NISCH: variants seen among roughly 807,000 people sequenced by gnomAD.
The protein encoded by NISCH is I-1 receptor candidate protein.
Under a neutral mutation model 138.4 loss-of-function variants are expected in NISCH, and 55 were observed. The observed-to-expected ratio is 0.40, with a 90% CI of 0.32 to 0.50. The LOEUF (loss-of-function observed/expected upper bound fraction) is 0.50, where lower values mean the gene tolerates loss of function less well. NISCH is among the 20% of genes least tolerant of loss of function. The pLI is 0.71. For synonymous variants in NISCH, 860 were observed against 861.5 expected (o/e 1.00, Z 0.03); for missense variants, 1,643 against 2,005.5 (o/e 0.82, Z 3.45).
chr3:52,487,874 C>T lies in NISCH; in HGVS notation c.2382C>T (p.Ile794=), dbSNP rs1707448139. ...ACAGTGAGAACACGCTCTTCATTAT[C>T]TCGGACGCCGCCAACCTGCACGAGT... The part of the protein sequence containing the change: ...VRHSENTLFI[I]SDAANLHEFH... Residue 794 remains isoleucine, a synonymous_variant, in exon 16 of 21, where the codon ATC becomes ATT. Coordinates refer to ENST00000345716, the MANE Select transcript of NISCH (RefSeq NM_007184.4). This position sits in a 1 kb window ranked among gnomAD's most constrained non-coding sequence, Gnocchi z 9.1. 2.5e-6 allele frequency: 4 copies of T among 1,612,646 alleles called. No individual in the cohort carries two copies. The highest frequency in any genetic ancestry group is 3.4e-6 in the Non-Finnish European group (4 of 1,179,922).
chr3:52,480,775 G>A, intron 13 of NISCH: 6 of 1,451,206 alleles, frequency 4.1e-6, no homozygotes, highest in Non-Finnish European at 5.4e-6. Context: ...ATGTTTGTGG[G>A]GCCAAGATGG....
In NISCH at chr3:52,478,158, T is replaced by C; in HGVS notation, c.1049T>C (p.Leu350Pro). The stretch of plus-strand genomic sequence containing the variant: ...AACAAGCTCTCCTCCTTGGAAGGGC[T>C]TCACACCAAGCTGGGGAACATCAAG... The part of the protein sequence containing the change: ...SYNKLSSLEG[L>P]HTKLGNIKTL... The change falls in exon 10 of 21, where the codon CTT becomes CCT. Residue 350 changes from leucine (L) to proline (P), a missense_variant. By Grantham distance (98) the Leu-to-Pro change is moderately conservative. Coordinates refer to ENST00000345716, the MANE Select transcript of NISCH (RefSeq NM_007184.4). The C allele has an allele frequency of 6.2e-7, 1 of 1,614,106 alleles. No individual in the cohort carries two copies. The highest frequency in any genetic ancestry group is 8.5e-7 in the Non-Finnish European group (1 of 1,180,010).
At position 52,491,979 on chromosome 3, in the gene NISCH, G is replaced by A; in HGVS notation, c.4012G>A (p.Glu1338Lys). ...LTFTVAQKMA[E>K]PEKAPALSIL... ...GTTCACTGTGGCCCAAAAGATGGCT[G>A]AGCCAGAGAAGGCCCCAGCCCTCAG... The change falls in exon 21 of 21, where the codon GAG (glutamate) becomes AAG (lysine). Residue 1338 changes from glutamate (E) to lysine (K), a missense_variant. Transcript: ENST00000345716. 1 of 1,613,624 alleles carries A rather than the reference G, an allele frequency of 6.2e-7. No homozygotes were observed. Among genetic ancestry groups the A allele is most frequent in the Non-Finnish European group, 8.5e-7 (1 of 1,180,032 alleles).
At chr3:52,477,355 T>C (rs924272757) in intron 8 of NISCH, among the ~76,000 whole-genome samples, 3 of 152,196 alleles carry the variant, frequency 2.0e-5, no homozygotes, top group Admixed American at 6.5e-5. Flanking sequence ...AAGTGTTCCA[T>C]GAAAACTGAG....
Position 52,490,156 on chromosome 3 carries a change from G to A in NISCH, c.3538G>A (p.Val1180Met), listed in dbSNP as rs146180879. ...QTPGLEVTAC[V>M]LLSTKAVYFV... ...CCCAGGGCTGGAGGTGACTGCCTGC[G>A]TGCTGCTCTCCACCAAGGCTGTGTA... Residue 1180 changes from valine (V) to methionine (M), a missense_variant, in exon 18 of 21, where the codon GTG (valine) becomes ATG (methionine). Transcript: ENST00000345716. 40 of 1,613,460 alleles carry A rather than the reference G, an allele frequency of 2.5e-5. No homozygotes were observed. The highest frequency in any genetic ancestry group is 9.9e-5 in the South Asian group (9 of 91,090).
intron 15 of NISCH, 62 bp downstream of exon 15, chr3:52,485,889 T>C (rs896222752): frequency 4.0e-5 from 60 of 1,509,630 alleles, no homozygotes; most frequent in Non-Finnish European, 5.3e-5. Context: ...CACACACTGC[T>C]GTGGGCCAGG....
chr3:52,490,624 T>G, intron 18 of NISCH, 81 bp from the exon 19 acceptor site: 2 of 1,593,534 alleles, frequency 1.3e-6, no homozygotes, highest in Non-Finnish European at 1.7e-6. Context: ...AGAGGACCTG[T>G]TCCTGCTGGA....
chr3:52,489,222 A>G (rs1707494606), intron 16 of NISCH, 114 bp from the exon 17 acceptor site: 2 of 1,298,560 alleles, frequency 1.5e-6, no homozygotes, highest in Non-Finnish European at 2.1e-6. Context: ...GGAAGTCCCC[A>G]GTAACCCAGA....
chr3:52,458,899 T>G, intron 3 of NISCH, 55 bp downstream of exon 3: 1 of 1,505,198 alleles, frequency 6.6e-7, no homozygotes, highest in Non-Finnish European at 9.0e-7. Context: ...CTGCCAAACT[T>G]GAGGCAGCAA....
intron 1 of NISCH, among the ~76,000 whole-genome samples, chr3:52,456,474 C>T (rs1706473632): frequency 6.6e-6 from 1 of 151,890 alleles, no homozygotes; most frequent in Admixed American, 6.6e-5. Flanking sequence ...GCGGGTAGTT[C>T]CCGACTTTGA....
intron 19 of NISCH, 24 bp from the exon 20 acceptor site, chr3:52,491,328 C>T (rs1270097655): frequency 1.9e-6 from 3 of 1,599,818 alleles, no homozygotes; most frequent in Admixed American, 1.7e-5. Context: ...GGCCTGTGGC[C>T]CTGACCAGCC....
Position 52,487,551 on chromosome 3 carries a change from C to G in NISCH, c.2059C>G (p.Arg687Gly), listed in dbSNP as rs779409445. The G allele has an allele frequency of 6.2e-7, 1 of 1,610,068 alleles. No homozygotes were observed. Among genetic ancestry groups the G allele is most frequent in the African/African-American group, 1.3e-5 (1 of 74,848 alleles). The change falls in exon 16 of 21, where the codon CGC (arginine) becomes GGC (glycine). Residue 687 changes from arginine to glycine, a missense_variant. Physicochemically the swap from Arg to Gly is moderately radical, Grantham distance 125. Coordinates refer to ENST00000345716, the MANE Select transcript of NISCH (RefSeq NM_007184.4). The surrounding 1 kb of genome is among the most constrained non-coding windows in gnomAD (Gnocchi z 9.1). The stretch of plus-strand genomic sequence containing the variant: ...GGAGGATGAAGAGGCCGAGGAGGAG[C>G]GCCTGGCTCTGGAATGGGCCCTGGG... ...EEEDEEAEEE[R>G]LALEWALGAD...
chr3:52,478,687 A>T, intron 11 of NISCH, 110 bp downstream of exon 11: 1 of 1,046,192 alleles, frequency 9.6e-7, no homozygotes. Context: ...CCTGCTTCAG[A>T]AAGAGGTCCT....
intron 13 of NISCH, chr3:52,480,956 T>C: frequency 1.3e-6 from 2 of 1,512,420 alleles, no homozygotes; most frequent in East Asian, 2.5e-5. Context: ...GAGGGGAGGG[T>C]GTGCCGTCCC....
intron 3 of NISCH, among the ~76,000 whole-genome samples, chr3:52,469,864 G>A (rs528057090): frequency 4.0e-5 from 6 of 150,818 alleles, no homozygotes; most frequent in Middle Eastern, 3.5e-3. Flanking sequence ...GCGGTGAGCC[G>A]AGATTACACC....
At position 52,466,582 on chromosome 3, in the gene NISCH, TAGTG is replaced by T. The variant is rs761170305; in HGVS notation, c.361-4274_361-4271del. 4.2e-4 allele frequency among the ~76,000 whole-genome samples: 55 copies of T among 130,030 alleles called. 1 individual carries two copies. Among genetic ancestry groups the T allele is most frequent in the South Asian group, 2.5e-3 (10 of 4,056 alleles). 85.3% of individuals were successfully genotyped at this position (130,030 alleles called of 152,430 possible). A position where few individuals can be genotyped will look rare whatever the true frequency, so the allele number is the denominator to read the frequency against. On this transcript the variant is annotated intron_variant, in intron 3 of 20. Transcript: ENST00000345716. ...CCATCTCAAAAAAAAAAAAAAAAAA[TAGTG>T]AGACAAGGATTCCAGCTCTTAGCAT...
In NISCH at chr3:52,489,591, G is replaced by A. The variant is rs373167783; in HGVS notation, c.3369G>A (p.Ser1123=). The A allele has an allele frequency of 1.9e-5, 31 of 1,613,016 alleles. No individual in the cohort carries two copies. Among genetic ancestry groups the A allele is most frequent in the Non-Finnish European group, 2.3e-5 (27 of 1,179,974 alleles). Residue 1123 remains serine, a synonymous_variant, in exon 17 of 21, where the codon TCG becomes TCA. Coordinates refer to ENST00000345716, the MANE Select transcript of NISCH (RefSeq NM_007184.4). Reference sequence around the variant, plus strand: ...CCTCGGAGGAGAATCAGATCCCCTCGCACTTGCCTGCCTGCCCGTCGCTCC... The same window carrying A: ...CCTCGGAGGAGAATCAGATCCCCTCACACTTGCCTGCCTGCCCGTCGCTCC... ...QATSEENQIP[S]HLPACPSLRH...
chr3:52,484,462 T>TTGGGCGCCCCCC, intron 13 of NISCH, 51 bp from the exon 14 acceptor site: 4 of 788,670 alleles, frequency 5.1e-6, no homozygotes, highest in Non-Finnish European at 7.3e-6. Context: ...ACAGCCGCTC[T>TTGGGCGCCCCCC]CCCCGCCCCA....
At chr3:52,486,873 A>G (rs1319489408) in intron 15 of NISCH, among the ~76,000 whole-genome samples, 2 of 152,180 alleles carry the variant, frequency 1.3e-5, no homozygotes, top group African/African-American at 4.8e-5. Flanking sequence ...GGCTTATGGC[A>G]GCAACTGAAT....
Sources: gnomAD v4.1 joint callset for allele counts (sites outside exome capture counted in the v4.1 genomes callset) on GRCh38, gnomAD v4.1.1 for gene constraint, Gnocchi (gnomAD v3.1) non-coding constraint, MANE v1.5 for transcripts, NCBI Gene and HGNC (gene_info 2026-07-23, HGNC 2026-07-21) for gene names.